RIMS2: variants seen among roughly 807,000 people sequenced by gnomAD.
The protein encoded by RIMS2 is regulating synaptic membrane exocytosis protein 2.
RIMS2 carries 59 observed loss-of-function variants against 174.4 expected under a neutral mutation model. The ratio of observed to expected loss-of-function variants is 0.34; its 90% CI spans 0.27 to 0.42. The LOEUF is 0.42. Among genes scored for constraint, RIMS2 ranks in the 10% least tolerant of loss-of-function variants. RIMS2 has a pLI of 1.00. For missense variants in RIMS2, 1,620 were observed against 1,666.3 expected (o/e 0.97, Z 0.48); for synonymous variants, 606 against 572.5 (o/e 1.06, Z -0.84).
intron 10 of RIMS2, among the ~76,000 whole-genome samples, chr8:103,922,993 C>CT (rs1436223917): frequency 2.0e-5 from 3 of 151,692 alleles, no homozygotes; most frequent in South Asian, 2.1e-4. Context: ...CCTTTATTAT[C>CT]TTTTTTCCTT....
At chr8:103,570,562 T>A (rs932005352) in intron 1 of RIMS2, among the ~76,000 whole-genome samples, 6 of 152,202 alleles carry the variant, frequency 3.9e-5, no homozygotes, top group African/African-American at 1.4e-4. Context: ...AGGTCGATAA[T>A]GCTCCAGCAC....
intron 19 of RIMS2, among the ~76,000 whole-genome samples, chr8:104,061,473 T>C (rs952249774): frequency 3.3e-5 from 5 of 151,986 alleles, no homozygotes; most frequent in African/African-American, 1.2e-4. Flanking sequence ...TGCAGTTGTG[T>C]AAAATTTATA....
At chr8:103,907,022 A>G (rs2074564059) in intron 4 of RIMS2, among the ~76,000 whole-genome samples, 1 of 152,178 alleles carries the variant, frequency 6.6e-6, no homozygotes, top group East Asian at 1.9e-4. Flanking sequence ...CAAATTGCAT[A>G]TTGTGTGTGT....
In RIMS2 at chr8:103,554,805, C is replaced by G. The variant is rs144596261; in HGVS notation, c.176+53743C>G. On this transcript the variant is annotated intron_variant, in intron 1 of 23. Transcript: ENST00000504942. ...AGTCCAGATATCTATCAACAGTAGACTGAATAAAGGAAATGTGATACAGAC... is the reference window on the plus strand; with the variant it reads ...AGTCCAGATATCTATCAACAGTAGAGTGAATAAAGGAAATGTGATACAGAC... Among the ~76,000 whole-genome samples the G allele has an allele frequency of 6.3e-3, 956 of 152,188 alleles. 2 individuals carry two copies. Among genetic ancestry groups the G allele is most frequent in the Non-Finnish European group, 9.1e-3 (617 of 68,006 alleles).
Position 104,249,304 on chromosome 8 carries a change from A to G in RIMS2, c.3590-183A>G, listed in dbSNP as rs192337148. On this transcript the variant is annotated intron_variant, in intron 21 of 23. Transcript: ENST00000504942. Reference sequence around the variant, plus strand: ...TTTTAAGAATAAAAAATATTTAACCATTATTTCTCTTTTAATTTTAATGCT... The same window carrying G: ...TTTTAAGAATAAAAAATATTTAACCGTTATTTCTCTTTTAATTTTAATGCT... 4.3e-3 allele frequency among the ~76,000 whole-genome samples: 655 copies of G among 152,238 alleles called. 5 individuals carry two copies. Among genetic ancestry groups the G allele is most frequent in the Non-Finnish European group, 6.4e-3 (432 of 68,016 alleles).
intron 19 of RIMS2, among the ~76,000 whole-genome samples, chr8:104,118,940 C>A (rs2098328181): frequency 6.6e-6 from 1 of 152,020 alleles, no homozygotes; most frequent in Non-Finnish European, 1.5e-5. Flanking sequence ...ACCCTTATGA[C>A]CTAATTACCT....
intron 19 of RIMS2, among the ~76,000 whole-genome samples, chr8:104,207,769 C>T (rs964906849): frequency 6.6e-6 from 1 of 151,496 alleles, no homozygotes; most frequent in South Asian, 2.1e-4. Context: ...GCCAAGATCA[C>T]GCCATTGCAC....
intron 3 of RIMS2, among the ~76,000 whole-genome samples, chr8:103,820,866 A>G (rs2098747718): frequency 6.6e-6 from 1 of 151,466 alleles, no homozygotes; most frequent in Non-Finnish European, 1.5e-5. Flanking sequence ...CCTTTTTTAA[A>G]GTGATACATC....
chr8:104,225,576 T>G (rs2138845638), intron 19 of RIMS2, among the ~76,000 whole-genome samples: 1 of 152,310 alleles, frequency 6.6e-6, no homozygotes, highest in East Asian at 1.9e-4. Flanking sequence ...GTTTACAAAA[T>G]ATCATTCCAA....
chr8:104,240,801 A>G (rs1370588369), intron 19 of RIMS2, among the ~76,000 whole-genome samples: 1 of 152,208 alleles, frequency 6.6e-6, no homozygotes, highest in Non-Finnish European at 1.5e-5. Flanking sequence ...CAGACCTAGA[A>G]TACATAGTTT....
intron 19 of RIMS2, among the ~76,000 whole-genome samples, chr8:104,102,027 G>A (rs1342946445): frequency 3.3e-5 from 5 of 151,898 alleles, no homozygotes; most frequent in Admixed American, 6.6e-5. Flanking sequence ...CTATCTACAC[G>A]TATTATCTTA....
chr8:103,801,631 T>C (rs543757010), intron 3 of RIMS2, among the ~76,000 whole-genome samples: 2 of 152,350 alleles, frequency 1.3e-5, no homozygotes, highest in South Asian at 4.1e-4. Context: ...TTTCTCGTTG[T>C]CTCAGGCTGG....
intron 2 of RIMS2, among the ~76,000 whole-genome samples, chr8:103,726,952 T>C (rs2097534308): frequency 6.6e-6 from 1 of 151,404 alleles, no homozygotes. Context: ...TTGGCCAGGC[T>C]GATCTTGAAC....
chr8:103,754,235 G>C (rs900424534), intron 2 of RIMS2, among the ~76,000 whole-genome samples: 1 of 152,152 alleles, frequency 6.6e-6, no homozygotes, highest in East Asian at 1.9e-4. Flanking sequence ...GTAGTTGAGC[G>C]GTTTTGAGTG....
At chr8:104,060,359 G>A (rs2096960285) in intron 19 of RIMS2, among the ~76,000 whole-genome samples, 1 of 151,268 alleles carries the variant, frequency 6.6e-6, no homozygotes. Context: ...TATTTGCATA[G>A]AGTTGTTTGT....
rs1598253870 is a variant in RIMS2, at chr8:104,072,611, A to G, written c.3334+57996A>G. Among the ~76,000 whole-genome samples the G allele has an allele frequency of 2.6e-5, 4 of 152,254 alleles. No homozygotes were observed. The East Asian group carries it at 5.8e-4, about 22-fold the overall frequency. ...GAGCTGTATTCCTGAAATTCCAGTGACACAATTGTGAAGCCCTGTGTGGAA... is the reference window on the plus strand; with the variant it reads ...GAGCTGTATTCCTGAAATTCCAGTGGCACAATTGTGAAGCCCTGTGTGGAA... On this transcript the variant is annotated intron_variant, in intron 19 of 23. Coordinates refer to ENST00000504942, the Ensembl canonical transcript of RIMS2.
intron 2 of RIMS2, among the ~76,000 whole-genome samples, chr8:103,755,060 C>T (rs1462230370): frequency 3.9e-5 from 6 of 152,148 alleles, no homozygotes; most frequent in Non-Finnish European, 8.8e-5. Flanking sequence ...TTTGCAGTGG[C>T]TGGTACCGGT....
At chr8:104,208,993 T>C (rs920994484) in intron 19 of RIMS2, among the ~76,000 whole-genome samples, 1 of 152,222 alleles carries the variant, frequency 6.6e-6, no homozygotes, top group African/African-American at 2.4e-5. Context: ...GTCATAAAAC[T>C]ACTACAGAGG....
At chr8:103,890,413 G>A (rs1008050778) in intron 4 of RIMS2, among the ~76,000 whole-genome samples, 2 of 152,030 alleles carry the variant, frequency 1.3e-5, no homozygotes, top group Admixed American at 6.6e-5. Flanking sequence ...AGTGGAAAAT[G>A]TAGAAATGAT....
Sources: allele counts gnomAD v4.1 joint callset (sites outside exome capture counted in the v4.1 genomes callset), GRCh38; gene constraint gnomAD v4.1.1; transcripts MANE v1.5; gene names NCBI Gene and HGNC (gene_info 2026-07-23, HGNC 2026-07-21).